The following SLC8A1 variants were observed in gnomAD, a reference collection of about 807,000 sequenced individuals.
SLC8A1 encodes sodium/calcium exchanger 1.
SLC8A1 carries 18 observed loss-of-function variants against 68.3 expected under a neutral mutation model. The observed-to-expected ratio is 0.26, with a 90% CI of 0.18 to 0.39. The LOEUF (loss-of-function observed/expected upper bound fraction) is 0.39. Among genes scored for constraint, SLC8A1 ranks in the 10% least tolerant of loss-of-function variants. The probability of loss-of-function intolerance (pLI) is 1.00; values close to 1 mark genes in which losing one functional copy is unlikely to be tolerated. For missense variants in SLC8A1, 985 were observed against 1,156.7 expected (o/e 0.85, Z 2.15); for synonymous variants, 475 against 415.5 (o/e 1.14, Z -1.74).
chr2:40,207,590 A>G (rs189850988), intron 2 of SLC8A1, among the ~76,000 whole-genome samples: 1 of 152,264 alleles, frequency 6.6e-6, no homozygotes, highest in Admixed American at 6.5e-5. Flanking sequence ...TACACAAAAT[A>G]TATTTTTATA....
chr2:40,221,150 G>A (rs2058279179), intron 2 of SLC8A1, among the ~76,000 whole-genome samples: 1 of 152,148 alleles, frequency 6.6e-6, no homozygotes, highest in South Asian at 2.1e-4. Flanking sequence ...CTGGCAACCT[G>A]AATCCAGCAG....
chr2:40,125,323 C>G (rs1021270943), intron 7 of SLC8A1, among the ~76,000 whole-genome samples: 14 of 152,090 alleles, frequency 9.2e-5, no homozygotes. Context: ...GAGGAGATAG[C>G]CTTGACATCA....
Position 40,306,460 on chromosome 2 carries a change from G to GC in SLC8A1, c.1808+122012_1808+122013insG, listed in dbSNP as rs61681991. Among the ~76,000 whole-genome samples, 1,419 of 149,320 alleles carry GC rather than the reference G, an allele frequency of 9.5e-3. 15 individuals carry two copies. The highest frequency in any genetic ancestry group is 0.04 in the East Asian group (194 of 4,808). On this transcript the variant is annotated intron_variant, in intron 2 of 7. Transcript: ENST00000406785. Reference sequence around the variant, plus strand: ...AAAAAAAGGAATGGTTGTGGGGGGGGGCATAGCGTGGAATATTTCAGTGCA... The same window carrying GC: ...AAAAAAAGGAATGGTTGTGGGGGGGGCGCATAGCGTGGAATATTTCAGTGCA...
At chr2:40,177,668 G>C in intron 3 of SLC8A1, 1 of 826,796 alleles carries the variant, frequency 1.2e-6, no homozygotes, top group Non-Finnish European at 2.0e-6. Context: ...CCGAGGAAGA[G>C]GAGAGAGTTA....
chr2:40,111,259 T>G (rs984684261), exon 8 of SLC8A1: 1 of 152,148 alleles, frequency 6.6e-6, no homozygotes, highest in African/African-American at 2.4e-5. Flanking sequence ...GGTCACAGAA[T>G]TTTTCTGAAA....
intron 2 of SLC8A1, among the ~76,000 whole-genome samples, chr2:40,352,654 G>A (rs1169987517): frequency 6.6e-6 from 1 of 152,192 alleles, no homozygotes; most frequent in Non-Finnish European, 1.5e-5. Context: ...ATTTCTATGT[G>A]TACTTAGGAT....
chr2:40,200,574 T>G lies in SLC8A1; in HGVS notation c.1809-22719A>C, dbSNP rs569233048. 5.1e-4 allele frequency among the ~76,000 whole-genome samples: 77 copies of G among 151,608 alleles called. No homozygotes were observed. In the South Asian group the frequency reaches 9.6e-3, roughly 19 times the overall value. Reference sequence around the variant, plus strand: ...TAGTCCCTCTTAGCCCCCTTATCATTGCTGCATTCCCACTTACTATATCAC... The same window carrying G: ...TAGTCCCTCTTAGCCCCCTTATCATGGCTGCATTCCCACTTACTATATCAC... On this transcript the variant is annotated intron_variant, in intron 2 of 7. Coordinates refer to ENST00000406785, the Ensembl canonical transcript of SLC8A1.
At chr2:40,472,796 A>T (rs1397841878) in intron 1 of SLC8A1, among the ~76,000 whole-genome samples, 1 of 152,192 alleles carries the variant, frequency 6.6e-6, no homozygotes, top group African/African-American at 2.4e-5. Context: ...AAACTTACGG[A>T]TTACTAGATT....
intron 2 of SLC8A1, among the ~76,000 whole-genome samples, chr2:40,279,582 G>A (rs997095370): frequency 2.6e-5 from 4 of 152,148 alleles, no homozygotes; most frequent in Non-Finnish European, 5.9e-5. Context: ...AACTTTCATT[G>A]CACAGGGACA....
chr2:40,208,820 C>A (rs1310138654), intron 2 of SLC8A1, among the ~76,000 whole-genome samples: 2 of 152,032 alleles, frequency 1.3e-5, no homozygotes, highest in Non-Finnish European at 1.5e-5. Flanking sequence ...TCCATTTAGG[C>A]TTTAATGCAC....
intron 3 of SLC8A1, among the ~76,000 whole-genome samples, chr2:40,177,480 C>A (rs151216169): frequency 1.3e-5 from 2 of 152,260 alleles, no homozygotes; most frequent in African/African-American, 2.4e-5. Flanking sequence ...TAAACACATT[C>A]TTTTATGTAA....
rs1258995763 is a variant in SLC8A1 at position 40,280,313 on chromosome 2, TAC to T, written c.1809-102460_1809-102459del. On this transcript the variant is annotated intron_variant, in intron 2 of 7. Coordinates refer to ENST00000406785, the Ensembl canonical transcript of SLC8A1. ...CCTTAAAAGTCCTGAAATTTAATTT[TAC>T]CATTCTGTCACAGGATAAAACATCT... Among the ~76,000 whole-genome samples the T allele has an allele frequency of 2.0e-5, 3 of 151,614 alleles. No homozygotes were observed. The South Asian group carries it at 6.3e-4, about 32-fold the overall frequency.
chr2:40,375,090 A>T (rs1559436045), intron 2 of SLC8A1, among the ~76,000 whole-genome samples: 1 of 152,092 alleles, frequency 6.6e-6, no homozygotes, highest in Non-Finnish European at 1.5e-5. Flanking sequence ...ATTAATCACC[A>T]AAGACTGTTT....
exon 8 of SLC8A1, chr2:40,101,981 C>T (rs769178514): frequency 1.3e-5 from 2 of 152,066 alleles, no homozygotes; most frequent in African/African-American, 4.8e-5. Context: ...TTTTTAATCA[C>T]CCTAATTGCA....
At chr2:40,099,019 T>C (rs959219710) in exon 8 of SLC8A1, 1 of 152,046 alleles carries the variant, frequency 6.6e-6, no homozygotes, top group Non-Finnish European at 1.5e-5. Flanking sequence ...ATACCACAGA[T>C]ATAAAAATAT....
chr2:40,322,668 C>G (rs1479371004), intron 2 of SLC8A1, among the ~76,000 whole-genome samples: 1 of 151,506 alleles, frequency 6.6e-6, no homozygotes, highest in Non-Finnish European at 1.5e-5. Flanking sequence ...AGACCAAGAC[C>G]CTATCTCTAA....
chr2:40,505,339 G>C (rs1706304572), intron 1 of SLC8A1, among the ~76,000 whole-genome samples: 1 of 151,846 alleles, frequency 6.6e-6, no homozygotes, highest in African/African-American at 2.4e-5. Context: ...ATTGTAAAGA[G>C]TCTAATGGGA....
chr2:40,255,054 T>TCATTCATTC (rs2063668598), intron 2 of SLC8A1: 1 of 151,766 alleles, frequency 6.6e-6, no homozygotes, highest in Admixed American at 6.6e-5. Context: ...TATTTCTTTC[T>TCATTCATTC]CCTTAAATGA....
chr2:40,351,739 G>C (rs1190896872), intron 2 of SLC8A1, among the ~76,000 whole-genome samples: 2 of 152,060 alleles, frequency 1.3e-5, no homozygotes, highest in South Asian at 2.1e-4. Context: ...CTTTGACAAA[G>C]ACAGTAAAGA....
Sources: gnomAD v4.1 joint callset for allele counts (sites outside exome capture counted in the v4.1 genomes callset) on GRCh38, gnomAD v4.1.1 for gene constraint, MANE v1.5 for transcripts, NCBI Gene and HGNC (gene_info 2026-07-23, HGNC 2026-07-21) for gene names.